Variants in GRM1 observed in about 807,000 individuals in gnomAD.
GRM1 encodes the protein glutamate metabotropic receptor 1, also known as metabotropic glutamate receptor 1.
A neutral mutation model predicts 90.9 loss-of-function variants in GRM1; 33 were observed. That is an observed-to-expected ratio of 0.36 (90% CI 0.28 to 0.49). The LOEUF (loss-of-function observed/expected upper bound fraction) is 0.49. Among genes scored for constraint, GRM1 ranks in the 20% least tolerant of loss-of-function variants. The probability of loss-of-function intolerance (pLI) is 0.99; values close to 1 mark genes in which losing one functional copy is unlikely to be tolerated. For synonymous variants in GRM1, 700 were observed against 613.2 expected, an observed-to-expected ratio of 1.14 and a Z score of -2.09; for missense variants, 1,190 against 1,534.3, an observed-to-expected ratio of 0.78 and a Z score of 3.75.
chr6:146,094,633 T>C (rs982293217), intron 1 of GRM1, among the ~76,000 whole-genome samples: 10 of 152,146 alleles, frequency 6.6e-5, no homozygotes, highest in African/African-American at 2.4e-4. Context: ...TGACAAATAC[T>C]GAAAGAAAGT....
intron 6 of GRM1, among the ~76,000 whole-genome samples, chr6:146,396,135 T>C (rs982778506): frequency 2.0e-5 from 3 of 147,068 alleles, no homozygotes; most frequent in Non-Finnish European, 4.6e-5. Context: ...CATCTATGTA[T>C]CATCTGTCTT....
rs78498026 is a variant in GRM1, at chr6:146,098,967, A to G, written c.701-60381A>G. On this transcript the variant is annotated intron_variant, in intron 1 of 7. Coordinates refer to ENST00000282753, the MANE Select transcript of GRM1 (RefSeq NM_001278064.2). ...AACCAGTTTCAGGCATTTTTTTCAT[A>G]GCAGTGTGAAAATGGACTAATACAC... is the stretch of plus-strand genomic sequence containing the variant. Among the ~76,000 whole-genome samples the G allele has an allele frequency of 2.5e-3, 382 of 152,140 alleles. 5 individuals are homozygous for G. The East Asian group carries it at 0.037, about 15-fold the overall frequency.
At chr6:146,154,992 G>A (rs1777469329) in intron 1 of GRM1, among the ~76,000 whole-genome samples, 2 of 152,012 alleles carry the variant, frequency 1.3e-5, no homozygotes, top group South Asian at 4.1e-4. Flanking sequence ...TACTTATTTT[G>A]TTTAAATTGC....
At chr6:146,244,738 A>T (rs1011046482) in intron 2 of GRM1, among the ~76,000 whole-genome samples, 3 of 152,192 alleles carry the variant, frequency 2.0e-5, no homozygotes, top group Non-Finnish European at 4.4e-5. Context: ...GGTTGGAGAC[A>T]GCCCATAGTA....
chr6:146,385,777 T>C (rs1174458644), intron 5 of GRM1, among the ~76,000 whole-genome samples: 3 of 151,964 alleles, frequency 2.0e-5, no homozygotes, highest in Non-Finnish European at 4.4e-5. Context: ...GTAAAATGTA[T>C]AAAACTATAA....
chr6:146,141,599 A>T (rs1206216699), intron 1 of GRM1, among the ~76,000 whole-genome samples: 1 of 152,074 alleles, frequency 6.6e-6, no homozygotes, highest in Admixed American at 6.5e-5. Context: ...TCCTCTGACC[A>T]TGTGTTTTCA....
intron 2 of GRM1, among the ~76,000 whole-genome samples, chr6:146,261,180 G>A (rs372864152): frequency 1.3e-5 from 2 of 152,082 alleles, no homozygotes; most frequent in East Asian, 1.9e-4. Context: ...AAATCTGAAG[G>A]ACAGTGTTCA....
chr6:146,244,927 G>A (rs1781003488), intron 2 of GRM1, among the ~76,000 whole-genome samples: 1 of 152,212 alleles, frequency 6.6e-6, no homozygotes, highest in African/African-American at 2.4e-5. Flanking sequence ...ATTCAGAATA[G>A]AGCAGTTAGC....
intron 2 of GRM1, among the ~76,000 whole-genome samples, chr6:146,253,489 A>G (rs1278467344): frequency 1.3e-5 from 2 of 152,138 alleles, no homozygotes; most frequent in Non-Finnish European, 2.9e-5. Context: ...GTTAACATTG[A>G]TGTATGTCTT....
intron 7 of GRM1, among the ~76,000 whole-genome samples, chr6:146,411,755 A>C (rs1777575956): frequency 6.6e-6 from 1 of 152,212 alleles, no homozygotes; most frequent in Non-Finnish European, 1.5e-5. Flanking sequence ...GTTGCTCAAA[A>C]AATTCAATGT....
chr6:146,436,828 A>T lies in GRM1; in HGVS notation c.*2032A>T, dbSNP rs1274422676. The T allele has an allele frequency of 6.6e-6, 1 of 152,612 alleles. No individual in the cohort carries two copies. The highest frequency in any genetic ancestry group is 6.5e-5 in the Admixed American group (1 of 15,282). 9.5% of individuals were successfully genotyped at this position (152,612 alleles called of 1,614,324 possible). ...TTCATATTGAAGCTGCTGATTTCTC[A>T]GCCAAAAATCATCTTAGAATCTTTA... On this transcript the variant is annotated 3_prime_UTR_variant, in exon 8 of 8. Transcript: ENST00000282753.
chr6:146,407,129 A>G lies in GRM1; in HGVS notation c.2660+7430A>G, dbSNP rs560353792. ...ACTTTTTCTTCACATGAAGGCCCTT[A>G]GAATACTTTAGAACGAACGTAGCTT... On this transcript the variant is annotated intron_variant, in intron 7 of 7. Coordinates refer to ENST00000282753, the MANE Select transcript of GRM1 (RefSeq NM_001278064.2). Among the ~76,000 whole-genome samples, 8 of 152,354 alleles carry G rather than the reference A, an allele frequency of 5.3e-5. No homozygotes were observed. In the East Asian group the frequency reaches 1.4e-3, roughly 26 times the overall value.
At chr6:146,367,203 G>A (rs1775723974) in intron 5 of GRM1, among the ~76,000 whole-genome samples, 1 of 152,026 alleles carries the variant, frequency 6.6e-6, no homozygotes, top group Non-Finnish European at 1.5e-5. Context: ...TAGAAAATAA[G>A]ATGGTTGTAA....
intron 1 of GRM1, among the ~76,000 whole-genome samples, chr6:146,137,560 A>G (rs895241757): frequency 2.6e-5 from 4 of 152,144 alleles, no homozygotes; most frequent in Non-Finnish European, 5.9e-5. Flanking sequence ...TGTTTTGATT[A>G]CTATATTTTG....
intron 3 of GRM1, among the ~76,000 whole-genome samples, chr6:146,324,868 C>G (rs141812867): frequency 2.6e-5 from 4 of 152,144 alleles, no homozygotes; most frequent in Non-Finnish European, 5.9e-5. Flanking sequence ...TGTTCCCATT[C>G]GGCCATCTTG....
At chr6:146,052,734 C>G (rs1451743762) in intron 1 of GRM1, among the ~76,000 whole-genome samples, 2 of 151,996 alleles carry the variant, frequency 1.3e-5, no homozygotes, top group Admixed American at 1.3e-4. Context: ...ATATCATTTC[C>G]TCAGGAATCC....
Position 146,349,844 on chromosome 6 carries a change from A to C in GRM1, c.1187-2406A>C, listed in dbSNP as rs576603120. ...TACTGACTATTGTTTGTATATACAT[A>C]TGTATACATCTATGTACATATATTT... On this transcript the variant is annotated intron_variant, in intron 3 of 7. Transcript: ENST00000282753. Among the ~76,000 whole-genome samples, 4 of 152,334 alleles carry C rather than the reference A, an allele frequency of 2.6e-5. 1 individual carries two copies. Among genetic ancestry groups the C allele is most frequent in the African/African-American group, 9.6e-5 (4 of 41,588 alleles).
chr6:146,385,402 TA>T (rs1214002848), intron 5 of GRM1, among the ~76,000 whole-genome samples: 8 of 151,964 alleles, frequency 5.3e-5, no homozygotes, highest in Admixed American at 5.3e-4. Flanking sequence ...TGGAATGACA[TA>T]ACATGCTGAA....
intron 2 of GRM1, among the ~76,000 whole-genome samples, chr6:146,247,363 G>A (rs561887329): frequency 6.6e-6 from 1 of 152,276 alleles, no homozygotes; most frequent in Non-Finnish European, 1.5e-5. Context: ...GGTACAAGGA[G>A]CGGGGAGGCA....
Sources: gnomAD v4.1 joint callset for allele counts (sites outside exome capture counted in the v4.1 genomes callset) on GRCh38, gnomAD v4.1.1 for gene constraint, MANE v1.5 for transcripts, NCBI Gene and HGNC (gene_info 2026-07-23, HGNC 2026-07-21) for gene names.